USP33: variants seen among roughly 807,000 people sequenced by gnomAD.
The protein encoded by USP33 is ubiquitin specific peptidase 33, also known as ubiquitin carboxyl-terminal hydrolase 33.
USP33 carries 46 observed loss-of-function variants against 124.2 expected under a neutral mutation model. That is an observed-to-expected ratio of 0.37 (90% CI 0.29 to 0.47). The LOEUF is 0.47. Among genes scored for constraint, USP33 ranks in the 20% least tolerant of loss-of-function variants. USP33 has a pLI of 0.99. For missense variants in USP33, 851 were observed against 1,070.6 expected (o/e 0.79, Z 2.86); for synonymous variants, 350 against 352.3 (o/e 0.99, Z 0.07).
intron 20 of USP33, among the ~76,000 whole-genome samples, chr1:77,712,501 C>T (rs141059947): frequency 0.01 from 1,572 of 151,880 alleles, 27 homozygotes; most frequent in African/African-American, 0.036. Flanking sequence ...CCCGACTGGG[C>T]GACAGAGCGA....
At chr1:77,744,740 G>A (rs1054231011) in intron 1 of USP33, among the ~76,000 whole-genome samples, 14 of 152,066 alleles carry the variant, frequency 9.2e-5, no homozygotes, top group Non-Finnish European at 1.8e-4. Flanking sequence ...ACCTACTCAC[G>A]AGGCTGAGGT....
intron 23 of USP33, 28 bp downstream of exon 23, chr1:77,697,835 T>TAA (rs1281160235): frequency 6.3e-7 from 1 of 1,579,086 alleles, no homozygotes; most frequent in Non-Finnish European, 8.6e-7. Flanking sequence ...CACTCACAAG[T>TAA]AAAAGCTTAA....
intron 1 of USP33, among the ~76,000 whole-genome samples, chr1:77,744,255 A>AT (rs1445422024): frequency 3.3e-5 from 5 of 152,196 alleles, no homozygotes; most frequent in Non-Finnish European, 7.3e-5. Flanking sequence ...AAAAATCACA[A>AT]TAACTGGCAT....
chr1:77,757,343 G>A (rs868833057), intron 1 of USP33, among the ~76,000 whole-genome samples: 1 of 152,128 alleles, frequency 6.6e-6, no homozygotes. Flanking sequence ...TCAAAATATT[G>A]ACCTAACTTA....
intron 1 of USP33, among the ~76,000 whole-genome samples, chr1:77,756,227 G>T (rs947804218): frequency 6.6e-6 from 1 of 152,026 alleles, no homozygotes; most frequent in East Asian, 1.9e-4. Flanking sequence ...ACAGGCTCAA[G>T]CCACAGCACC....
intron 1 of USP33, 67 bp downstream of exon 1, chr1:77,759,576 G>A (rs917053396): frequency 1.0e-5 from 4 of 398,136 alleles, no homozygotes; most frequent in Admixed American, 8.8e-5. Context: ...CGAGAACAGA[G>A]ACCGGACCCC....
intron 12 of USP33, among the ~76,000 whole-genome samples, chr1:77,722,630 C>G (rs1446258769): frequency 3.3e-5 from 5 of 152,088 alleles, no homozygotes; most frequent in Admixed American, 1.3e-4. Flanking sequence ...AAAAACATGC[C>G]TGATAATTCC....
chr1:77,728,798 A>G, intron 9 of USP33, 86 bp from the exon 10 acceptor site: 1 of 1,403,562 alleles, frequency 7.1e-7, no homozygotes, highest in Non-Finnish European at 9.6e-7. Flanking sequence ...GTCATTACAA[A>G]CTTATATATG....
intron 21 of USP33, among the ~76,000 whole-genome samples, chr1:77,710,683 A>C (rs894906870): frequency 8.5e-5 from 13 of 152,198 alleles, no homozygotes; most frequent in East Asian, 1.9e-4. Flanking sequence ...GAAATGAATA[A>C]TACAAAACAT....
intron 10 of USP33, 96 bp downstream of exon 10, chr1:77,728,199 A>G: frequency 7.5e-7 from 1 of 1,324,534 alleles, no homozygotes; most frequent in Non-Finnish European, 1.0e-6. Flanking sequence ...CTAAACTATA[A>G]TTCTAATTAG....
intron 21 of USP33, among the ~76,000 whole-genome samples, chr1:77,705,396 T>C (rs1329976655): frequency 2.6e-5 from 4 of 152,010 alleles, no homozygotes; most frequent in Non-Finnish European, 5.9e-5. Context: ...GGTTTCACCA[T>C]GTTGGCCAGG....
At chr1:77,730,556 T>C in intron 8 of USP33, 62 bp downstream of exon 8, 2 of 1,263,764 alleles carry the variant, frequency 1.6e-6, no homozygotes, top group Non-Finnish European at 2.1e-6. Flanking sequence ...CTGCAACCTT[T>C]AAATATTTAT....
At chr1:77,723,696 C>T (rs1676837718) in intron 11 of USP33, among the ~76,000 whole-genome samples, 1 of 152,000 alleles carries the variant, frequency 6.6e-6, no homozygotes, top group Non-Finnish European at 1.5e-5. Flanking sequence ...TGGAGTCTCG[C>T]ACTGTTGCCC....
chr1:77,710,280 C>T lies in USP33; in HGVS notation c.2406+1467G>A, dbSNP rs554048897. Among the ~76,000 whole-genome samples the T allele has an allele frequency of 7.2e-5, 11 of 152,276 alleles. No homozygotes were observed. In the South Asian group the frequency reaches 2.1e-3, roughly 29 times the overall value. ...TTCTTGGCCACTGCTTCTCTCCCAC[C>T]CACAATGTGGTACCCTATTCCACTT... On this transcript the variant is annotated intron_variant, in intron 21 of 23. Coordinates refer to ENST00000370794, the MANE Select transcript of USP33 (RefSeq NM_201624.3).
At chr1:77,731,536 ATCT>A (rs1247448051) in intron 7 of USP33, among the ~76,000 whole-genome samples, 1 of 151,610 alleles carries the variant, frequency 6.6e-6, no homozygotes, top group Non-Finnish European at 1.5e-5. Flanking sequence ...GCCAAGTGTA[ATCT>A]TTTTTTTTTT....
rs766034366 is a variant in USP33 at position 77,715,727 on chromosome 1, A to G, written c.2045+15T>C. ...GTGAGAGATGTCCTTTCGCATCTACACTTATTTCCATTACCTATAGAAAAG... is the reference window on the plus strand; with the variant it reads ...GTGAGAGATGTCCTTTCGCATCTACGCTTATTTCCATTACCTATAGAAAAG... On this transcript the variant is annotated intron_variant, in intron 18 of 23. Transcript: ENST00000370794. 3.1e-6 allele frequency: 5 copies of G among 1,611,696 alleles called. No individual in the cohort carries two copies. Among genetic ancestry groups the G allele is most frequent in the African/African-American group, 1.3e-5 (1 of 74,768 alleles).
rs12142671 is a variant in USP33 at position 77,718,640 on chromosome 1, A to G, written c.1693T>C (p.Leu565=). 416,562 of 1,596,110 alleles carry G rather than the reference A, an allele frequency of 0.26. 59,698 individuals are homozygous for G. Among genetic ancestry groups the G allele is most frequent in the South Asian group, 0.46 (41,296 of 88,944 alleles). ...TTACAAAACTTCACTCCATTTCTCA[A>G]CCTAAGGGGAGAAAAGAGAAAATCA... ...NMYSCEKCKK[L]RNGVKFCKVQ... is the part of the protein sequence containing the mutation. The change falls in exon 16 of 24, where the codon TTG becomes CTG. Residue 565 remains leucine, a splice_region_variant and synonymous_variant. Coordinates refer to ENST00000370794, the MANE Select transcript of USP33 (RefSeq NM_201624.3).
At chr1:77,729,971 T>A (rs530723543) in intron 8 of USP33, 33 bp from the exon 9 acceptor site, 39 of 1,555,020 alleles carry the variant, frequency 2.5e-5, no homozygotes, top group Non-Finnish European at 3.4e-5. Context: ...AGAGCAATTT[T>A]TGTTATTTTT....
chr1:77,730,573 C>G, intron 8 of USP33, 45 bp downstream of exon 8: 1 of 1,330,048 alleles, frequency 7.5e-7, no homozygotes, highest in Non-Finnish European at 1.0e-6. Context: ...TTATAATATT[C>G]ATTTAAAAGT....
Sources: gnomAD v4.1 joint callset for allele counts (sites outside exome capture counted in the v4.1 genomes callset) on GRCh38, gnomAD v4.1.1 for gene constraint, MANE v1.5 for transcripts, NCBI Gene and HGNC (gene_info 2026-07-23, HGNC 2026-07-21) for gene names.